Variants in GRB10 observed in about 807,000 individuals in gnomAD.
GRB10 encodes the protein growth factor receptor-bound protein 10.
Under a neutral mutation model 80.9 loss-of-function variants are expected in GRB10, and 20 were observed. The ratio of observed to expected loss-of-function variants is 0.25; its 90% CI spans 0.17 to 0.36. The LOEUF is 0.36. Ranked by LOEUF, GRB10 falls within the 10% of genes least tolerant of loss-of-function variation. GRB10 has a pLI of 1.00. For synonymous variants in GRB10, 291 were observed against 291.5 expected (o/e 1.00, Z 0.02); for missense variants, 548 against 747.7 (o/e 0.73, Z 3.12).
intron 14 of GRB10, 70 bp downstream of exon 14, chr7:50,606,267 G>A: frequency 8.3e-7 from 1 of 1,206,420 alleles, no homozygotes; most frequent in South Asian, 1.2e-5. Flanking sequence ...TGTGAAATGA[G>A]GCGTCCTTAA....
Position 50,684,691 on chromosome 7 carries a change from A to AT in GRB10, c.140-10034dup, listed in dbSNP as rs1354266346. On this transcript the variant is annotated intron_variant, in intron 5 of 18. Coordinates refer to ENST00000401949, the MANE Select transcript of GRB10 (RefSeq NM_001350814.2). ...TAATATGCACAGATTCAGCTAAGCAATTTCTATCTGTACTACTCAAAAGAC... is the reference window on the plus strand; with the variant it reads ...TAATATGCACAGATTCAGCTAAGCAATTTTCTATCTGTACTACTCAAAAGAC... Among the ~76,000 whole-genome samples, 3 of 152,320 alleles carry AT rather than the reference A, an allele frequency of 2.0e-5. No individual in the cohort carries two copies. The East Asian group carries it at 5.8e-4, about 29-fold the overall frequency.
intron 4 of GRB10, among the ~76,000 whole-genome samples, chr7:50,722,677 T>C (rs1008383931): frequency 6.6e-6 from 1 of 151,876 alleles, no homozygotes; most frequent in Non-Finnish European, 1.5e-5. Flanking sequence ...TGGGGGAGAA[T>C]GCCAGGGTGA....
intron 7 of GRB10, among the ~76,000 whole-genome samples, chr7:50,637,472 G>A (rs2465529): frequency 1.3e-5 from 2 of 151,856 alleles, no homozygotes; most frequent in East Asian, 1.9e-4. Flanking sequence ...CACATAATAC[G>A]TAACAATACA....
At chr7:50,614,240 A>G (rs183894820) in intron 12 of GRB10, among the ~76,000 whole-genome samples, 1 of 152,310 alleles carries the variant, frequency 6.6e-6, no homozygotes, top group East Asian at 1.9e-4. Context: ...GTATGTCTAT[A>G]CATGTATGTA....
intron 7 of GRB10, among the ~76,000 whole-genome samples, chr7:50,638,601 G>A (rs73344863): frequency 0.073 from 11,060 of 152,220 alleles, 1,331 homozygotes; most frequent in African/African-American, 0.25. Flanking sequence ...AAAAGATGTT[G>A]ACATAAGTGT....
At chr7:50,603,657 T>C (rs1337140043) in intron 17 of GRB10, among the ~76,000 whole-genome samples, 5 of 152,240 alleles carry the variant, frequency 3.3e-5, no homozygotes, top group African/African-American at 9.6e-5. Context: ...CCTCATGTAG[T>C]ACACAATCAA....
At chr7:50,682,265 A>G (rs1205286021) in intron 5 of GRB10, among the ~76,000 whole-genome samples, 2 of 152,228 alleles carry the variant, frequency 1.3e-5, no homozygotes, top group Non-Finnish European at 2.9e-5. Flanking sequence ...GAGTCACTCC[A>G]GTGAGGAAGA....
At chr7:50,759,660 G>T (rs2075530491) in intron 2 of GRB10, among the ~76,000 whole-genome samples, 1 of 152,086 alleles carries the variant, frequency 6.6e-6, no homozygotes, top group African/African-American at 2.4e-5. Context: ...TTTATCCATG[G>T]TTAGTTGAAT....
In GRB10 at chr7:50,591,971, T is replaced by C. The variant is rs970767683; in HGVS notation, c.*981A>G. 6.6e-6 allele frequency: 1 copy of C among 152,202 alleles called. No homozygotes were observed. Among genetic ancestry groups the C allele is most frequent in the Non-Finnish European group, 1.5e-5 (1 of 68,038 alleles). The allele number at this position is 152,202 out of a possible 1,614,324, so 9.4% of individuals were successfully genotyped here. The stretch of plus-strand genomic sequence containing the variant: ...TCAGCCGTGAAACGACTCACACCAC[T>C]GCAGCAGCAGGGGTAAGGCAGTGAT... On this transcript the variant is annotated 3_prime_UTR_variant, in exon 19 of 19. Transcript: ENST00000401949.
chr7:50,692,197 G>A (rs2062898016), intron 5 of GRB10, among the ~76,000 whole-genome samples: 2 of 152,028 alleles, frequency 1.3e-5, no homozygotes, highest in African/African-American at 4.8e-5. Flanking sequence ...TAGGTTATAC[G>A]CAAATACTAT....
chr7:50,703,270 G>A (rs1202650100), intron 5 of GRB10, among the ~76,000 whole-genome samples: 4 of 152,192 alleles, frequency 2.6e-5, no homozygotes, highest in Non-Finnish European at 4.4e-5. Flanking sequence ...CGTGCCACAC[G>A]CACATTTCAT....
At chr7:50,672,088 C>T (rs2060417609) in intron 6 of GRB10, among the ~76,000 whole-genome samples, 1 of 152,224 alleles carries the variant, frequency 6.6e-6, no homozygotes, top group African/African-American at 2.4e-5. Context: ...TGTACAGAAT[C>T]GGCTCACCCA....
At chr7:50,720,626 A>C (rs1191551953) in intron 4 of GRB10, among the ~76,000 whole-genome samples, 1 of 152,220 alleles carries the variant, frequency 6.6e-6, no homozygotes, top group African/African-American at 2.4e-5. Flanking sequence ...TGCATGGTAC[A>C]GGAATATAAA....
intron 4 of GRB10, among the ~76,000 whole-genome samples, chr7:50,730,842 C>T (rs1317902319): frequency 6.6e-6 from 1 of 152,200 alleles, no homozygotes; most frequent in Admixed American, 6.5e-5. Context: ...AAAGCCTATT[C>T]TATACCCAGC....
chr7:50,661,662 C>G (rs560183094), intron 7 of GRB10, among the ~76,000 whole-genome samples: 20 of 152,324 alleles, frequency 1.3e-4, no homozygotes, highest in Non-Finnish European at 5.9e-5. Flanking sequence ...TCTCTGCCTG[C>G]TCTTGGTTTC....
At chr7:50,741,692 CAAAT>C (rs1403613184) in intron 3 of GRB10, among the ~76,000 whole-genome samples, 2 of 151,486 alleles carry the variant, frequency 1.3e-5, no homozygotes, top group Non-Finnish European at 2.9e-5. Context: ...TGTGTCAAGA[CAAAT>C]AAAATGAAGC....
intron 7 of GRB10, among the ~76,000 whole-genome samples, chr7:50,650,698 C>T (rs984519591): frequency 2.6e-5 from 4 of 152,192 alleles, no homozygotes; most frequent in Admixed American, 6.5e-5. Context: ...AGGTGGTAGA[C>T]ACAGCAGGTG....
intron 17 of GRB10, among the ~76,000 whole-genome samples, chr7:50,598,814 T>C (rs1022152676): frequency 6.6e-6 from 1 of 152,122 alleles, no homozygotes; most frequent in Non-Finnish European, 1.5e-5. Context: ...AGAATTCAAA[T>C]TTTGCCGAAG....
chr7:50,707,799 T>C (rs1481417578), intron 4 of GRB10, among the ~76,000 whole-genome samples: 3 of 152,202 alleles, frequency 2.0e-5, no homozygotes, highest in Non-Finnish European at 4.4e-5. Flanking sequence ...CAAGGAGCCC[T>C]AAGGCCCTGC....
Sources: gnomAD v4.1 joint callset for allele counts (sites outside exome capture counted in the v4.1 genomes callset) on GRCh38, gnomAD v4.1.1 for gene constraint, MANE v1.5 for transcripts, NCBI Gene and HGNC (gene_info 2026-07-23, HGNC 2026-07-21) for gene names.